Variants in RBFOX2 observed in about 807,000 individuals in gnomAD.
The protein encoded by RBFOX2 is RNA binding protein fox-1 homolog 2.
A neutral mutation model predicts 49.1 loss-of-function variants in RBFOX2; 10 were observed. The ratio of observed to expected loss-of-function variants is 0.20; its 90% confidence interval spans 0.13 to 0.35. The LOEUF is 0.35. RBFOX2 is among the 10% of genes least tolerant of loss of function. RBFOX2 has a pLI of 1.00. For synonymous variants in RBFOX2, 183 were observed against 187.4 expected, an observed-to-expected ratio of 0.98 and a Z score of 0.19; for missense variants, 323 against 486.9, an observed-to-expected ratio of 0.66 and a Z score of 3.17.
rs538674450 is a variant in RBFOX2, at chr22:35,885,843, A to ATTTTTTT, written c.-34+52997_-34+53003dup. On this transcript the variant is annotated intron_variant, in intron 1 of 13. Transcript: ENST00000359369. ...TTGGGTTAAGTGAAACCCAAACCTA[A>ATTTTTTT]TTTTTTTTTTTTTTTTTTTTTTTTT... 1.4e-3 allele frequency among the ~76,000 whole-genome samples: 113 copies of ATTTTTTT among 83,154 alleles called. 8 individuals are homozygous for ATTTTTTT. Among genetic ancestry groups the ATTTTTTT allele is most frequent in the African/African-American group, 5.4e-3 (102 of 18,758 alleles). The allele number at this position is 83,154 out of a possible 152,430, so 54.6% of individuals were successfully genotyped here.
At chr22:35,852,918 G>A (rs2042103854) in intron 1 of RBFOX2, among the ~76,000 whole-genome samples, 1 of 152,142 alleles carries the variant, frequency 6.6e-6, no homozygotes, top group Admixed American at 6.5e-5. Flanking sequence ...TGTTATTGAA[G>A]GCCTAGTCAA....
chr22:35,903,703 T>C (rs5750197), intron 1 of RBFOX2, among the ~76,000 whole-genome samples: 12,758 of 152,150 alleles, frequency 0.084, 547 homozygotes, highest in African/African-American at 0.11. Flanking sequence ...AAACCCTTCC[T>C]TCACCCCTCA....
intron 1 of RBFOX2, among the ~76,000 whole-genome samples, chr22:36,014,400 G>A (rs1387245241): frequency 1.3e-5 from 2 of 152,096 alleles, no homozygotes; most frequent in African/African-American, 4.8e-5. Context: ...GTGAGCCACC[G>A]CGCCCGGCCA....
At chr22:35,768,019 GCA>G (rs923628377) in intron 5 of RBFOX2, among the ~76,000 whole-genome samples, 1 of 151,380 alleles carries the variant, frequency 6.6e-6, no homozygotes, top group African/African-American at 2.4e-5. Context: ...ACACACACAC[GCA>G]CACACACACA....
intron 1 of RBFOX2, among the ~76,000 whole-genome samples, chr22:35,922,516 C>T (rs1377364943): frequency 2.6e-5 from 4 of 151,240 alleles, no homozygotes; most frequent in Non-Finnish European, 4.4e-5. Context: ...AGGTTGCAGT[C>T]AGCCAAGATT....
chr22:35,824,122 C>A (rs536637159), intron 1 of RBFOX2, among the ~76,000 whole-genome samples: 2 of 151,918 alleles, frequency 1.3e-5, no homozygotes, highest in Non-Finnish European at 2.9e-5. Flanking sequence ...GCACTCCAGA[C>A]TGGGAGACAG....
intron 9 of RBFOX2, 69 bp from the exon 12 acceptor site, chr22:35,746,630 G>T: frequency 1.1e-6 from 1 of 950,998 alleles, no homozygotes; most frequent in Non-Finnish European, 1.5e-6. Flanking sequence ...ACACACACCC[G>T]CCCACACACA....
At chr22:35,858,590 T>A (rs1603419029) in intron 1 of RBFOX2, among the ~76,000 whole-genome samples, 1 of 151,902 alleles carries the variant, frequency 6.6e-6, no homozygotes, top group East Asian at 1.9e-4. Context: ...CTTTAGGAAG[T>A]CGAGGTGGGT....
chr22:36,004,367 T>C (rs539564033), intron 1 of RBFOX2, among the ~76,000 whole-genome samples: 6 of 152,314 alleles, frequency 3.9e-5, no homozygotes, highest in Admixed American at 3.3e-4. Context: ...CTCAAACTCG[T>C]AGGAAAAGCT....
intron 9 of RBFOX2, among the ~76,000 whole-genome samples, chr22:35,750,090 C>T (rs934063187): frequency 6.6e-6 from 1 of 152,124 alleles, no homozygotes; most frequent in Admixed American, 6.6e-5. Flanking sequence ...CATACCCTAA[C>T]GACTGGCCCC....
At chr22:35,748,581 G>A (rs1485644328) in intron 9 of RBFOX2, 3 of 151,940 alleles carry the variant, frequency 2.0e-5, no homozygotes, top group East Asian at 1.9e-4. Context: ...AACTAGAGAT[G>A]GTTCCATTAG....
At chr22:36,021,333 A>C (rs2059240707) in intron 1 of RBFOX2, among the ~76,000 whole-genome samples, 2 of 152,140 alleles carry the variant, frequency 1.3e-5, no homozygotes, top group South Asian at 4.2e-4. Flanking sequence ...CCAACATGGC[A>C]CATGTATACA....
intron 1 of RBFOX2, chr22:35,992,429 A>G (rs1482358381): frequency 1.3e-5 from 2 of 152,360 alleles, no homozygotes; most frequent in African/African-American, 4.8e-5. Context: ...TGTCCAAGGC[A>G]ACAAACTAAC....
intron 1 of RBFOX2, among the ~76,000 whole-genome samples, chr22:36,008,022 G>A (rs1390693449): frequency 3.3e-5 from 5 of 152,104 alleles, no homozygotes; most frequent in Non-Finnish European, 5.9e-5. Flanking sequence ...AAGAGCATCT[G>A]TAGGATAAAT....
At chr22:36,023,797 A>C (rs2059331825) in intron 1 of RBFOX2, among the ~76,000 whole-genome samples, 2 of 152,020 alleles carry the variant, frequency 1.3e-5, no homozygotes, top group South Asian at 4.2e-4. Context: ...GGCTGCACTG[A>C]CTCCTCTTCC....
At chr22:35,919,165 C>T (rs1467779837) in intron 1 of RBFOX2, among the ~76,000 whole-genome samples, 1 of 152,172 alleles carries the variant, frequency 6.6e-6, no homozygotes, top group African/African-American at 2.4e-5. Context: ...AAACTGTATA[C>T]AGAATAGGCA....
intron 1 of RBFOX2, among the ~76,000 whole-genome samples, chr22:35,856,606 G>A (rs2042537147): frequency 6.6e-6 from 1 of 150,842 alleles, no homozygotes. Flanking sequence ...AAAGAGATAG[G>A]TCAGTTCTAG....
chr22:35,765,411 A>G lies in RBFOX2; in HGVS notation c.607+12T>C, dbSNP rs376878752. ...AAGAATAAACACTCTTTCGAAGATTATAATTTCTTACCATTTGCATATGGT... is the reference window on the plus strand; with the variant it reads ...AAGAATAAACACTCTTTCGAAGATTGTAATTTCTTACCATTTGCATATGGT... On this transcript the variant is annotated intron_variant, in intron 6 of 11. Coordinates refer to ENST00000405409, the Ensembl canonical transcript of RBFOX2. 398 of 1,496,248 alleles carry G rather than the reference A, an allele frequency of 2.7e-4. No individual in the cohort carries two copies. The highest frequency in any genetic ancestry group is 2.5e-4 in the Admixed American group (14 of 55,934). The allele number at this position is 1,496,248 out of a possible 1,614,324, so 92.7% of individuals were successfully genotyped here.
intron 1 of RBFOX2, among the ~76,000 whole-genome samples, chr22:35,947,841 A>C (rs2149815330): frequency 6.6e-6 from 1 of 152,264 alleles, no homozygotes; most frequent in East Asian, 1.9e-4. Flanking sequence ...TTTATAAAGT[A>C]AAAAAGTTAC....
Sources: gnomAD v4.1 joint callset for allele counts (sites outside exome capture counted in the v4.1 genomes callset) on GRCh38, gnomAD v4.1.1 for gene constraint, MANE v1.5 for transcripts, NCBI Gene and HGNC (gene_info 2026-07-23, HGNC 2026-07-21) for gene names.